ADD2: variants seen among roughly 807,000 people sequenced by gnomAD.
ADD2 encodes the protein beta-adducin.
In ADD2, 23 loss-of-function variants were observed where a neutral mutation model predicts 83.0. That is an observed-to-expected ratio of 0.28 (90% CI 0.20 to 0.39). The LOEUF (loss-of-function observed/expected upper bound fraction) is 0.39. Among genes scored for constraint, ADD2 ranks in the 10% least tolerant of loss-of-function variants. The pLI, the probability that ADD2 is intolerant of heterozygous loss-of-function variation, is 1.00. For missense variants in ADD2, 758 were observed against 944.9 expected (o/e 0.80, Z 2.59); for synonymous variants, 375 against 375.4 (o/e 1.00, Z 0.01).
At chr2:70,752,885 G>A (rs1344098492) in intron 1 of ADD2, among the ~76,000 whole-genome samples, 2 of 152,234 alleles carry the variant, frequency 1.3e-5, no homozygotes, top group Admixed American at 6.5e-5. Context: ...CCAGACAAAT[G>A]AGACTGGAAT....
intron 10 of ADD2, among the ~76,000 whole-genome samples, chr2:70,679,570 C>T (rs921415509): frequency 1.1e-4 from 16 of 152,172 alleles, no homozygotes; most frequent in Admixed American, 1.3e-4. Context: ...AACAAACATT[C>T]TGGAATCTTG....
At chr2:70,704,271 C>CCCCCCCCCCCCCCCCCAG in intron 4 of ADD2, 50 bp downstream of exon 4, 2 of 1,279,030 alleles carry the variant, frequency 1.6e-6, no homozygotes, top group Non-Finnish European at 2.2e-6. Context: ...CTTCCCCACC[C>CCCCCCCCCCCCCCCCCAG]CACCCTCCCC....
intron 1 of ADD2, among the ~76,000 whole-genome samples, chr2:70,752,757 G>A (rs782646474): frequency 6.6e-6 from 1 of 152,214 alleles, no homozygotes; most frequent in Non-Finnish European, 1.5e-5. Flanking sequence ...ATGTAGAAAT[G>A]TCAGGGAAGC....
intron 15 of ADD2, among the ~76,000 whole-genome samples, chr2:70,670,011 G>T (rs1033743897): frequency 1.6e-4 from 24 of 152,120 alleles, no homozygotes; most frequent in African/African-American, 5.8e-4. Context: ...CTACTGACTG[G>T]AGCCCTCCGC....
chr2:70,663,803 CAG>C (rs1176802194), intron 15 of ADD2, 68 bp from the exon 16 acceptor site: 2 of 1,482,918 alleles, frequency 1.3e-6, no homozygotes, highest in Non-Finnish European at 1.8e-6. Context: ...CTGGGGCTAA[CAG>C]AACCATTTCT....
At chr2:70,759,166 G>C (rs935294091) in intron 1 of ADD2, among the ~76,000 whole-genome samples, 5 of 152,070 alleles carry the variant, frequency 3.3e-5, no homozygotes, top group African/African-American at 1.2e-4. Flanking sequence ...AACCATTCCA[G>C]GCATTAAATG....
At chr2:70,724,136 C>A (rs540664271) in intron 1 of ADD2, among the ~76,000 whole-genome samples, 2 of 152,166 alleles carry the variant, frequency 1.3e-5, no homozygotes, top group Non-Finnish European at 2.9e-5. Flanking sequence ...GTACCTTCAT[C>A]GTGTTAAATG....
intron 1 of ADD2, among the ~76,000 whole-genome samples, chr2:70,739,456 T>A (rs1352957739): frequency 2.0e-5 from 3 of 152,178 alleles, no homozygotes; most frequent in African/African-American, 7.2e-5. Context: ...TGTCCAACCG[T>A]TGTGGAAAGC....
chr2:70,749,306 G>A (rs1574320475), intron 1 of ADD2, among the ~76,000 whole-genome samples: 1 of 152,114 alleles, frequency 6.6e-6, no homozygotes, highest in African/African-American at 2.4e-5. Flanking sequence ...GGGAATAGGG[G>A]ATTATAATTC....
rs1675396446 is a variant in ADD2, at chr2:70,657,373, G to A, written c.*6052C>T. On this transcript the variant is annotated 3_prime_UTR_variant, in exon 16 of 16. Coordinates refer to ENST00000264436, the MANE Select transcript of ADD2 (RefSeq NM_001617.4). ...TGGGTTCCTGCTTGCCTGCACCCCA[G>A]CCAGGCGATCTCAGGCTCTGGACCG... 2.0e-5 allele frequency: 3 copies of A among 152,130 alleles called. No individual in the cohort carries two copies. The highest frequency in any genetic ancestry group is 7.2e-5 in the African/African-American group (3 of 41,400). 9.4% of individuals were successfully genotyped at this position (152,130 alleles called of 1,614,324 possible). A position where few individuals can be genotyped will look rare whatever the true frequency, so the allele number is the denominator to read the frequency against.
intron 1 of ADD2, among the ~76,000 whole-genome samples, chr2:70,738,194 A>T (rs369073732): frequency 1.3e-4 from 20 of 152,240 alleles, no homozygotes; most frequent in African/African-American, 4.3e-4. Context: ...GATTATAAAT[A>T]TCCTAAGAAA....
In ADD2 at chr2:70,688,138, T is replaced by C. The variant is rs374040902; in HGVS notation, c.850-16A>G. 7.3e-5 allele frequency: 118 copies of C among 1,605,622 alleles called. No individual in the cohort carries two copies. In the African/African-American group the frequency reaches 1.5e-3, roughly 20 times the overall value. On this transcript the variant is annotated splice_polypyrimidine_tract_variant and intron_variant, in intron 8 of 15. Coordinates refer to ENST00000264436, the MANE Select transcript of ADD2 (RefSeq NM_001617.4). ...GCACCAGGATCTGTAGAGAAATAAATAGTCAATTAAAACCTTAAGTCCTCT... is the reference window on the plus strand; with the variant it reads ...GCACCAGGATCTGTAGAGAAATAAACAGTCAATTAAAACCTTAAGTCCTCT...
At chr2:70,686,680 AG>A (rs571574930) in intron 9 of ADD2, among the ~76,000 whole-genome samples, 104 of 152,276 alleles carry the variant, frequency 6.8e-4, no homozygotes, top group African/African-American at 2.5e-3. Flanking sequence ...GGTATCCCAG[AG>A]GCTCCACCAG....
chr2:70,739,551 A>C (rs1259399208), intron 1 of ADD2, among the ~76,000 whole-genome samples: 1 of 152,250 alleles, frequency 6.6e-6, no homozygotes, highest in Non-Finnish European at 1.5e-5. Context: ...AAAGGAATAT[A>C]AATCATTCTA....
intron 1 of ADD2, among the ~76,000 whole-genome samples, chr2:70,727,262 A>T (rs1408769496): frequency 2.0e-5 from 3 of 152,110 alleles, no homozygotes; most frequent in African/African-American, 7.2e-5. Context: ...TCTTACATGA[A>T]ACGCTTACTC....
At chr2:70,753,891 T>C (rs1160744878) in intron 1 of ADD2, among the ~76,000 whole-genome samples, 6 of 152,174 alleles carry the variant, frequency 3.9e-5, no homozygotes, top group Non-Finnish European at 8.8e-5. Flanking sequence ...CACAAGAAAG[T>C]GCATCTTCTC....
rs188388008 is a variant in ADD2 at position 70,685,680 on chromosome 2, T to A, written c.949-1913A>T. ...TAATAGATCTAAAGCACTTAGTGTA[T>A]CACCTGGTACATATGGGGTGAAGTA... On this transcript the variant is annotated intron_variant, in intron 9 of 15. Transcript: ENST00000264436. Among the ~76,000 whole-genome samples the A allele has an allele frequency of 9.2e-5, 14 of 152,318 alleles. 1 individual carries two copies. The highest frequency in any genetic ancestry group is 3.4e-4 in the African/African-American group (14 of 41,572).
chr2:70,673,214 A>G (rs1669980911), intron 14 of ADD2: 1 of 1,611,792 alleles, frequency 6.2e-7, no homozygotes, highest in South Asian at 1.1e-5. Context: ...GGGTGGAGTC[A>G]TGTTTCCTTC....
chr2:70,729,911 C>A (rs782575490), intron 1 of ADD2, among the ~76,000 whole-genome samples: 5 of 152,152 alleles, frequency 3.3e-5, no homozygotes, highest in Admixed American at 3.3e-4. Context: ...TAACATAATA[C>A]GAAATGACCA....
Sources: gnomAD v4.1 joint callset for allele counts (sites outside exome capture counted in the v4.1 genomes callset) on GRCh38, gnomAD v4.1.1 for gene constraint, MANE v1.5 for transcripts, NCBI Gene and HGNC (gene_info 2026-07-23, HGNC 2026-07-21) for gene names.